The following UTRN variants were observed in gnomAD, a reference collection of about 807,000 sequenced individuals.
UTRN encodes the protein utrophin, also known as dystrophin-related protein 1.
UTRN carries 283 observed loss-of-function variants against 463.9 expected under a neutral mutation model. The observed-to-expected ratio is 0.61, with a 90% CI of 0.55 to 0.67. The LOEUF (loss-of-function observed/expected upper bound fraction) is 0.67. Ranked by LOEUF, UTRN falls within the 30% of genes least tolerant of loss-of-function variation. The pLI is 0.00. For synonymous variants in UTRN, 1,442 were observed against 1,431.5 expected, an observed-to-expected ratio of 1.01 and a Z score of -0.17; for missense variants, 3,922 against 4,084.3, an observed-to-expected ratio of 0.96 and a Z score of 1.08.
At chr6:144,496,679 G>A (rs1442207205) in intron 33 of UTRN, among the ~76,000 whole-genome samples, 2 of 152,206 alleles carry the variant, frequency 1.3e-5, no homozygotes, top group African/African-American at 4.8e-5. Flanking sequence ...ACTTAGGGTA[G>A]TGAAAGAGAA....
chr6:144,851,046 T>C lies in UTRN; in HGVS notation c.*49T>C. On this transcript the variant is annotated 3_prime_UTR_variant, in exon 75 of 75. Coordinates refer to ENST00000367545, the MANE Select transcript of UTRN (RefSeq NM_007124.3). ...TTTCCTGACGTACAGTGTTGCCCTT[T>C]TCAGCAAATGCCAATTCCAAGTTCC... 1 of 1,612,750 alleles carries C rather than the reference T, an allele frequency of 6.2e-7. No individual in the cohort carries two copies. The highest frequency in any genetic ancestry group is 8.5e-7 in the Non-Finnish European group (1 of 1,178,932).
rs754710533 is a variant in UTRN at position 144,531,102 on chromosome 6, A to G, written c.5957A>G (p.Asn1986Ser). ...EEWRQFHCDL[N>S]DLTQWITEAE... ...TGGAGACAGTTCCATTGTGACCTTAATGACCTCACACAGTGGATAACAGAG... is the reference window on the plus strand; with the variant it reads ...TGGAGACAGTTCCATTGTGACCTTAGTGACCTCACACAGTGGATAACAGAG... The change falls in exon 42 of 75, where the codon AAT (asparagine) becomes AGT (serine). Residue 1986 changes from asparagine to serine, a missense_variant. Around this residue, in one of 3 missense-constraint regions of UTRN, gnomAD observed 2,349 missense variants for 2,303.8 expected, o/e 1.02. Transcript: ENST00000367545. 6.2e-7 allele frequency: 1 copy of G among 1,614,026 alleles called. No homozygotes were observed. The highest frequency in any genetic ancestry group is 8.5e-7 in the Non-Finnish European group (1 of 1,179,946).
intron 2 of UTRN, among the ~76,000 whole-genome samples, chr6:144,394,854 A>G (rs114067480): frequency 0.011 from 1,677 of 152,288 alleles, 31 homozygotes; most frequent in African/African-American, 0.039. Flanking sequence ...TGAGAAAAAT[A>G]TTATTTGAAT....
chr6:144,488,834 G>C lies in UTRN; in HGVS notation c.4134G>C (p.Gln1378His). Residue 1378 changes from glutamine to histidine, a missense_variant and splice_region_variant, in exon 30 of 75, where the codon CAG becomes CAC. By Grantham distance (24) the Gln-to-His change is conservative (BLOSUM62 0). Around this residue, in one of 3 missense-constraint regions of UTRN, gnomAD observed 2,349 missense variants for 2,303.8 expected, o/e 1.02. Coordinates refer to ENST00000367545, the MANE Select transcript of UTRN (RefSeq NM_007124.3). ...IDAFQVPQEA[Q>H]KIQAEISAHE... ...CTTTCCAAGTTCCACAGGAAGCTCAGGTATTGCCGTGCATTTGAGGGCTTT... is the reference window on the plus strand; with the variant it reads ...CTTTCCAAGTTCCACAGGAAGCTCACGTATTGCCGTGCATTTGAGGGCTTT... 1 of 1,586,698 alleles carries C rather than the reference G, an allele frequency of 6.3e-7. No homozygotes were observed. The highest frequency in any genetic ancestry group is 8.6e-7 in the Non-Finnish European group (1 of 1,163,800).
chr6:144,402,738 G>C (rs552056959), intron 2 of UTRN, among the ~76,000 whole-genome samples: 1 of 152,232 alleles, frequency 6.6e-6, no homozygotes, highest in African/African-American at 2.4e-5. Flanking sequence ...TTTGTTTTTA[G>C]CATGCTGACA....
At chr6:144,313,475 A>G (rs1300099820) in intron 2 of UTRN, among the ~76,000 whole-genome samples, 5 of 152,216 alleles carry the variant, frequency 3.3e-5, no homozygotes, top group Admixed American at 1.3e-4. Flanking sequence ...CTCAGATTCT[A>G]TGACAGAACA....
intron 52 of UTRN, among the ~76,000 whole-genome samples, chr6:144,695,770 A>G (rs749067888): frequency 1.3e-5 from 2 of 152,246 alleles, no homozygotes; most frequent in African/African-American, 4.8e-5. Context: ...CGTCAGCTAG[A>G]AGACAGGCTG....
intron 23 of UTRN, among the ~76,000 whole-genome samples, chr6:144,470,575 T>G (rs994911395): frequency 2.1e-5 from 3 of 146,156 alleles, no homozygotes; most frequent in Non-Finnish European, 4.5e-5. Context: ...GCTCCTCACT[T>G]CCCAGACTGG....
At chr6:144,530,978 C>T in intron 41 of UTRN, 74 bp from the exon 42 acceptor site, 2 of 1,470,798 alleles carry the variant, frequency 1.4e-6, no homozygotes, top group Non-Finnish European at 9.1e-7. Context: ...ATTTGATTTT[C>T]TTTTTTAGAA....
intron 51 of UTRN, among the ~76,000 whole-genome samples, chr6:144,647,815 A>G (rs942502363): frequency 6.6e-6 from 1 of 152,210 alleles, no homozygotes; most frequent in Non-Finnish European, 1.5e-5. Context: ...ATAGTTCAAA[A>G]TGGAAGCTCC....
chr6:144,714,179 G>C (rs2128705216), intron 53 of UTRN, among the ~76,000 whole-genome samples: 1 of 152,088 alleles, frequency 6.6e-6, no homozygotes. Context: ...CCTGTTTTCT[G>C]TCTCCTTTTT....
chr6:144,331,105 T>A, intron 2 of UTRN: 3 of 850,778 alleles, frequency 3.5e-6, no homozygotes, highest in Non-Finnish European at 4.2e-6. Flanking sequence ...CGCCAATAAT[T>A]AGTGTGAAAA....
rs1294443795 is a variant in UTRN at position 144,708,837 on chromosome 6, T to A, written c.7809+8594T>A. Among the ~76,000 whole-genome samples the A allele has an allele frequency of 2.0e-5, 3 of 152,152 alleles. No individual in the cohort carries two copies. The East Asian group carries it at 5.8e-4, about 29-fold the overall frequency. On this transcript the variant is annotated intron_variant, in intron 53 of 74. Transcript: ENST00000367545. ...ACACTTTTGGAGGCTGGGCTCACAG[T>A]TCCAGAGGCGGGGAAGTTCAAATCA...
At chr6:144,446,075 C>T (rs1298149711) in intron 14 of UTRN, among the ~76,000 whole-genome samples, 1 of 152,028 alleles carries the variant, frequency 6.6e-6, no homozygotes, top group African/African-American at 2.4e-5. Context: ...TAGAAGACAT[C>T]GATTGCTAGA....
At chr6:144,601,639 CATT>C (rs1804263118) in intron 51 of UTRN, among the ~76,000 whole-genome samples, 1 of 152,090 alleles carries the variant, frequency 6.6e-6, no homozygotes, top group South Asian at 2.1e-4. Flanking sequence ...ATGCTATGAA[CATT>C]ATGGAAATGA....
rs146996403 is a variant in UTRN, at chr6:144,570,248, CA to C, written c.7290-6850del. Among the ~76,000 whole-genome samples, 580 of 152,066 alleles carry C rather than the reference CA, an allele frequency of 3.8e-3. 4 individuals carry two copies. The highest frequency in any genetic ancestry group is 0.013 in the African/African-American group (543 of 41,500). On this transcript the variant is annotated intron_variant, in intron 50 of 74. Transcript: ENST00000367545. ...ATTAGTGGAGGCTGGAGGAAAGGAG[CA>C]GGAGGATATTTAAGGTAAAAAAAAG...
At chr6:144,591,084 C>G (rs1803016657) in intron 51 of UTRN, among the ~76,000 whole-genome samples, 2 of 152,106 alleles carry the variant, frequency 1.3e-5, no homozygotes, top group Admixed American at 6.5e-5. Flanking sequence ...AGCACAGTCT[C>G]ATGTCTCTTG....
intron 51 of UTRN, among the ~76,000 whole-genome samples, chr6:144,599,968 G>A (rs964797632): frequency 2.6e-5 from 4 of 151,944 alleles, no homozygotes; most frequent in South Asian, 2.1e-4. Context: ...GCAATATTTC[G>A]AACTTTTTCA....
chr6:144,537,768 T>C (rs762520207), intron 44 of UTRN, 51 bp downstream of exon 44: 5 of 1,579,382 alleles, frequency 3.2e-6, no homozygotes, highest in African/African-American at 1.4e-5. Context: ...AACATTATAC[T>C]TCAGAGTCAC....
Sources: gnomAD v4.1 joint callset for allele counts (sites outside exome capture counted in the v4.1 genomes callset) on GRCh38, gnomAD v4.1.1 for gene constraint, gnomAD v4.1.1 regional missense constraint, MANE v1.5 for transcripts, NCBI Gene and HGNC (gene_info 2026-07-23, HGNC 2026-07-21) for gene names.